KCNG3: variants seen among roughly 807,000 people sequenced by gnomAD.
KCNG3 encodes the protein voltage-gated potassium channel regulatory subunit KCNG3.
A neutral mutation model predicts 29.0 loss-of-function variants in KCNG3; 15 were observed. The ratio of observed to expected loss-of-function variants is 0.52; its 90% CI spans 0.35 to 0.80. KCNG3 has a LOEUF of 0.80. Among genes scored for constraint, KCNG3 ranks in the 30% least tolerant of loss-of-function variants. The pLI, the probability that KCNG3 is intolerant of heterozygous loss-of-function variation, is 0.01. For missense variants in KCNG3, 512 were observed against 605.7 expected (o/e 0.85, Z 1.62); for synonymous variants, 322 against 248.9 (o/e 1.29, Z -2.76).
the KCNG3 span, among the ~76,000 whole-genome samples, chr2:42,425,728 T>C: frequency 9.3e-5 from 14 of 151,164 alleles, no homozygotes; most frequent in Admixed American, 7.9e-4. Context: ...AGAAGAAGAG[T>C]AATTAAAAGG....
chr2:42,467,932 C>A (rs985406897), intron 1 of KCNG3, among the ~76,000 whole-genome samples: 2 of 150,608 alleles, frequency 1.3e-5, no homozygotes, highest in Non-Finnish European at 2.9e-5. Flanking sequence ...TATCATGCCA[C>A]TGCACATCAG....
chr2:42,392,995 C>G, the KCNG3 span, among the ~76,000 whole-genome samples: 1 of 152,082 alleles, frequency 6.6e-6, no homozygotes, highest in Non-Finnish European at 1.5e-5. Flanking sequence ...TTAAGTCAGT[C>G]AGTCTAGCAC....
At chr2:42,411,977 A>T in the KCNG3 span, among the ~76,000 whole-genome samples, 5 of 152,228 alleles carry the variant, frequency 3.3e-5, no homozygotes, top group Non-Finnish European at 7.3e-5. Flanking sequence ...TGATGAATCA[A>T]ATACATACAT....
At chr2:42,460,198 C>G (rs1672981966) in intron 1 of KCNG3, among the ~76,000 whole-genome samples, 1 of 151,644 alleles carries the variant, frequency 6.6e-6, no homozygotes, top group Non-Finnish European at 1.5e-5. Flanking sequence ...ACCCTTATCT[C>G]TACAAAAAAA....
chr2:42,485,409 T>C (rs1228558864), intron 1 of KCNG3, among the ~76,000 whole-genome samples: 1 of 151,870 alleles, frequency 6.6e-6, no homozygotes, highest in Non-Finnish European at 1.5e-5. Context: ...TGTCTGACCT[T>C]TCAGAAGTCA....
intron 1 of KCNG3, among the ~76,000 whole-genome samples, chr2:42,479,561 G>A (rs1206262958): frequency 1.3e-5 from 2 of 151,106 alleles, no homozygotes; most frequent in East Asian, 1.9e-4. Context: ...CAGGAGGGTC[G>A]CTTGAGCTCA....
chr2:42,411,824 G>A, the KCNG3 span, among the ~76,000 whole-genome samples: 1 of 152,154 alleles, frequency 6.6e-6, no homozygotes, highest in Admixed American at 6.6e-5. Context: ...CTAGTTATTT[G>A]TACTTGCTAC....
At chr2:42,480,674 C>T (rs1461269986) in intron 1 of KCNG3, among the ~76,000 whole-genome samples, 1 of 148,838 alleles carries the variant, frequency 6.7e-6, no homozygotes, top group Non-Finnish European at 1.5e-5. Context: ...ATGTAAAAAC[C>T]ATAACTACTC....
chr2:42,392,558 G>C, the KCNG3 span, among the ~76,000 whole-genome samples: 2 of 152,130 alleles, frequency 1.3e-5, no homozygotes, highest in Non-Finnish European at 2.9e-5. Context: ...CAATCACTGA[G>C]ACAACAATTA....
chr2:42,402,981 G>A, the KCNG3 span, among the ~76,000 whole-genome samples: 7 of 152,312 alleles, frequency 4.6e-5, no homozygotes, highest in South Asian at 2.1e-4. Context: ...GGGCAGAATC[G>A]CCATTTTGAG....
At chr2:42,480,361 T>C (rs1673551169) in intron 1 of KCNG3, among the ~76,000 whole-genome samples, 1 of 152,184 alleles carries the variant, frequency 6.6e-6, no homozygotes, top group Non-Finnish European at 1.5e-5. Flanking sequence ...GTCCTGTAGC[T>C]AGACACTGGT....
Position 42,444,048 on chromosome 2 carries a change from A to G in KCNG3, c.1197T>C (p.Val399=), listed in dbSNP as rs746391847. The stretch of plus-strand genomic sequence containing the variant: ...TAAAAGTGATAGGTAATGCCAATAG[A>G]ACAATTCCACTGACAACACAAACTC... ...LGGVCVVSGI[V]LLALPITFIY... The change falls in exon 2 of 2, where the codon GTT becomes GTC. Residue 399 remains valine (V), a synonymous_variant. Coordinates refer to ENST00000306078, the MANE Select transcript of KCNG3 (RefSeq NM_133329.6). The surrounding 1 kb of genome is among the most constrained non-coding windows in gnomAD (Gnocchi z 5.8). The G allele has an allele frequency of 6.2e-7, 1 of 1,614,190 alleles. No individual in the cohort carries two copies. Among genetic ancestry groups the G allele is most frequent in the Admixed American group, 1.7e-5 (1 of 60,022 alleles).
chr2:42,450,901 G>A (rs989447908), intron 1 of KCNG3, among the ~76,000 whole-genome samples: 5 of 152,156 alleles, frequency 3.3e-5, no homozygotes, highest in African/African-American at 1.2e-4. Context: ...TTATGACAAT[G>A]TCCATTGTTA....
chr2:42,408,371 T>C, the KCNG3 span, among the ~76,000 whole-genome samples: 2 of 152,266 alleles, frequency 1.3e-5, no homozygotes, highest in Non-Finnish European at 2.9e-5. Flanking sequence ...TGGCCGCTAA[T>C]GGAGCAATTG....
the KCNG3 span, among the ~76,000 whole-genome samples, chr2:42,392,939 T>A: frequency 1.3e-5 from 2 of 152,150 alleles, no homozygotes; most frequent in Non-Finnish European, 2.9e-5. Flanking sequence ...TGGGTTGATT[T>A]CACAGCCGTA....
At chr2:42,422,548 T>C in the KCNG3 span, among the ~76,000 whole-genome samples, 1 of 152,102 alleles carries the variant, frequency 6.6e-6, no homozygotes, top group Non-Finnish European at 1.5e-5. Flanking sequence ...ATCAGTGTGG[T>C]AATGTATTTC....
At chr2:42,488,118 T>C (rs1558390809) in intron 1 of KCNG3, among the ~76,000 whole-genome samples, 1 of 152,208 alleles carries the variant, frequency 6.6e-6, no homozygotes, top group South Asian at 2.1e-4. Context: ...GCTGGAAGAA[T>C]GGAGAAAGGC....
At chr2:42,476,078 T>A (rs1003821026) in intron 1 of KCNG3, among the ~76,000 whole-genome samples, 65 of 152,038 alleles carry the variant, frequency 4.3e-4, no homozygotes, top group African/African-American at 1.5e-3. Flanking sequence ...ATAATAATAA[T>A]AATTAATAAA....
At chr2:42,437,851 T>C (rs1286849064), downstream of KCNG3, among the ~76,000 whole-genome samples, 4 of 149,034 alleles carry the variant, frequency 2.7e-5, no homozygotes, top group East Asian at 5.9e-4. Context: ...GGCCGGAGAA[T>C]TGCTTGAACC....
Sources: gnomAD v4.1 joint callset for allele counts (sites outside exome capture counted in the v4.1 genomes callset) on GRCh38, gnomAD v4.1.1 for gene constraint, Gnocchi (gnomAD v3.1) non-coding constraint, MANE v1.5 for transcripts, NCBI Gene and HGNC (gene_info 2026-07-23, HGNC 2026-07-21) for gene names.